Variants in SMC4 observed in about 807,000 individuals in gnomAD.
SMC4 encodes the protein structural maintenance of chromosomes 4.
In SMC4, 87 loss-of-function variants were observed where a neutral mutation model predicts 145.6. That is an observed-to-expected ratio of 0.60 (90% CI 0.50 to 0.71). The LOEUF (loss-of-function observed/expected upper bound fraction) is 0.71. Among genes scored for constraint, SMC4 ranks in the 30% least tolerant of loss-of-function variants. The probability of loss-of-function intolerance (pLI) is 0.00; values close to 1 mark genes in which losing one functional copy is unlikely to be tolerated. For missense variants in SMC4, 1,447 were observed against 1,537.1 expected (o/e 0.94, Z 0.98); for synonymous variants, 558 against 500.7 (o/e 1.11, Z -1.53).
chr3:160,400,907 C>T lies in SMC4; in HGVS notation c.81C>T (p.Ser27=), dbSNP rs533603068. ...GPPPPSPDGA[S]SDAEPEPPSG... is the part of the protein sequence containing the mutation. ...CGCCGCCGTCCCCTGACGGCGCCAG[C>T]AGCGACGCGGAGCCTGAGCCGCCGT... is the stretch of plus-strand genomic sequence containing the variant. Residue 27 remains serine (S), a synonymous_variant, in exon 2 of 24, where the codon AGC becomes AGT. Transcript: ENST00000357388. The T allele has an allele frequency of 7.9e-5, 118 of 1,496,938 alleles. 1 individual carries two copies. Among genetic ancestry groups the T allele is most frequent in the East Asian group, 2.3e-4 (8 of 34,604 alleles). The allele number at this position is 1,496,938 out of a possible 1,614,324, so 92.7% of individuals were successfully genotyped here.
chr3:160,416,605 T>TTTA, intron 10 of SMC4, 190 bp downstream of exon 10: 1 of 360,766 alleles, frequency 2.8e-6, no homozygotes, highest in East Asian at 4.2e-5. Context: ...TTTTAAAAAG[T>TTTA]TTACTAAATG....
At chr3:160,430,553 A>C (rs1390515756) in intron 18 of SMC4, 46 bp from the exon 19 acceptor site, 2 of 1,467,646 alleles carry the variant, frequency 1.4e-6, no homozygotes, top group African/African-American at 2.9e-5. Context: ...AGAAACAATA[A>C]CAAATCACCT....
chr3:160,402,587 A>G, intron 3 of SMC4, 89 bp from the exon 4 acceptor site: 1 of 1,369,862 alleles, frequency 7.3e-7, no homozygotes, highest in Non-Finnish European at 9.9e-7. Flanking sequence ...AACTGCAAGT[A>G]AAAAAATCTA....
intron 11 of SMC4, 71 bp downstream of exon 11, chr3:160,418,027 A>G (rs1352740503): frequency 2.4e-6 from 3 of 1,249,546 alleles, no homozygotes; most frequent in Non-Finnish European, 3.4e-6. Context: ...TTTGTTTTTA[A>G]TCTCCGCGTC....
intron 10 of SMC4, chr3:160,417,483 C>T (rs1716707497): frequency 2.1e-6 from 1 of 476,036 alleles, no homozygotes; most frequent in Non-Finnish European, 3.7e-6. Context: ...GTCTTTATTC[C>T]TCAGCGTAAT....
At position 160,411,921 on chromosome 3, in the gene SMC4, G is replaced by A. The variant is rs1716031213; in HGVS notation, c.689G>A (p.Gly230Asp). ...ATGAAATATAACTTTTTTTTAAAGG[G>A]TGAAGTTGAACAAATTGCTATGATG... ...LDHNRFLILQ[G>D]EVEQIAMMKP... The change falls in exon 6 of 24, where the codon GGT becomes GAT. Residue 230 changes from glycine to aspartate, a missense_variant and splice_region_variant. Transcript: ENST00000357388. 6.2e-7 allele frequency: 1 copy of A among 1,609,974 alleles called. No homozygotes were observed.
Position 160,420,807 on chromosome 3 carries a change from A to G in SMC4, c.1925A>G (p.Tyr642Cys), listed in dbSNP as rs763515554. 30 of 1,614,000 alleles carry G rather than the reference A, an allele frequency of 1.9e-5. No homozygotes were observed. In the Admixed American group the frequency reaches 4.7e-4, roughly 25 times the overall value. Residue 642 changes from tyrosine to cysteine, a missense_variant, in exon 13 of 24, where the codon TAC becomes TGC. By Grantham distance (194) the Tyr-to-Cys change is radical. Transcript: ENST00000357388. ...TCATCCTGTTGTCATGCACTGGACT[A>G]CATTGTTGTTGATTCTATTGATATA... The part of the protein sequence containing the change: ...AISSCCHALD[Y>C]IVVDSIDIAQ...
chr3:160,419,951 T>C (rs1258077254), intron 12 of SMC4, among the ~76,000 whole-genome samples: 1 of 151,838 alleles, frequency 6.6e-6, no homozygotes, highest in Non-Finnish European at 1.5e-5. Flanking sequence ...AAAATGAAAA[T>C]TAAAAAAAAT....
rs761150992 is a variant in SMC4, at chr3:160,412,392, G to A, written c.919G>A (p.Glu307Lys). ...ALEGEKNIAI[E>K]FLTLENEIFR... ...AGAAGGAGAGAAAAACATAGCTATC[G>A]AATTTCTTACCTTGGAAAATGAAAT... Residue 307 changes from glutamate (E) to lysine (K), a missense_variant, in exon 7 of 24, where the codon GAA (glutamate) becomes AAA (lysine). Transcript: ENST00000357388. 62 of 1,605,222 alleles carry A rather than the reference G, an allele frequency of 3.9e-5. 1 individual carries two copies. The Admixed American group carries it at 4.0e-4, about 10-fold the overall frequency.
At position 160,429,961 on chromosome 3, in the gene SMC4, T is replaced by C. The variant is rs866510593; in HGVS notation, c.2796-638T>C. 1.4e-4 allele frequency among the ~76,000 whole-genome samples: 22 copies of C among 152,176 alleles called. 1 individual carries two copies. The highest frequency in any genetic ancestry group is 5.3e-4 in the African/African-American group (22 of 41,536). ...TGAACTCCTGACGTCATGGTCCCCCTGCCTCAGCCTCCCAAAGTGCTGGGA... is the reference window on the plus strand; with the variant it reads ...TGAACTCCTGACGTCATGGTCCCCCCGCCTCAGCCTCCCAAAGTGCTGGGA... On this transcript the variant is annotated intron_variant, in intron 18 of 23. Coordinates refer to ENST00000357388, the MANE Select transcript of SMC4 (RefSeq NM_001002800.3).
Position 160,416,409 on chromosome 3 carries a change from AAAAG to A in SMC4, c.1434_1437del (p.Glu479ValfsTer13). 1 of 1,487,548 alleles carries A rather than the reference AAAAG, an allele frequency of 6.7e-7. No individual in the cohort carries two copies. The highest frequency in any genetic ancestry group is 8.9e-7 in the Non-Finnish European group (1 of 1,118,310). 92.1% of individuals were successfully genotyped at this position (1,487,548 alleles called of 1,614,324 possible). On this transcript the variant is annotated frameshift_variant and splice_region_variant, in exon 10 of 24. Coordinates refer to ENST00000357388, the MANE Select transcript of SMC4 (RefSeq NM_001002800.3). LOFTEE classifies it high-confidence loss of function. ...AGGAAACACAAGGGCTTCAGAAAGA[AAAAG>A]AAGTAAGTTTTTTTTTTTTATCAGT...
At chr3:160,416,036 G>T (rs1716541304) in intron 9 of SMC4, among the ~76,000 whole-genome samples, 1 of 152,132 alleles carries the variant, frequency 6.6e-6, no homozygotes, top group Non-Finnish European at 1.5e-5. Flanking sequence ...TAAGAGGTCA[G>T]GTGTTTGTAG....
intron 9 of SMC4, 142 bp downstream of exon 9, chr3:160,414,659 A>G: frequency 1.1e-6 from 1 of 903,000 alleles, no homozygotes; most frequent in African/African-American, 1.7e-5. Context: ...ACATGATTTT[A>G]CCCCCTCAAG....
Position 160,425,352 on chromosome 3 carries a change from G to GT in SMC4, c.2478+340dup, listed in dbSNP as rs1346395422. Among the ~76,000 whole-genome samples, 3 of 151,862 alleles carry GT rather than the reference G, an allele frequency of 2.0e-5. No homozygotes were observed. In the East Asian group the frequency reaches 5.8e-4, roughly 29 times the overall value. ...TATGAAAAAGCAATGCACGCCCACT[G>GT]TTTTTTTAATAAGTTTCCAGAAAAT... On this transcript the variant is annotated intron_variant, in intron 16 of 23. Coordinates refer to ENST00000357388, the MANE Select transcript of SMC4 (RefSeq NM_001002800.3).
At chr3:160,409,581 A>G (rs1401588030) in intron 5 of SMC4, among the ~76,000 whole-genome samples, 3 of 152,168 alleles carry the variant, frequency 2.0e-5, no homozygotes, top group Non-Finnish European at 2.9e-5. Context: ...CTGAATCCCA[A>G]CTTTTAGCTA....
intron 5 of SMC4, chr3:160,404,834 A>C (rs1348943302): frequency 2.0e-6 from 1 of 505,990 alleles, no homozygotes; most frequent in South Asian, 1.5e-5. Context: ...ACAGGGATAC[A>C]GCAACTATTT....
intron 16 of SMC4, 92 bp downstream of exon 16, chr3:160,425,111 A>C (rs1717644022): frequency 7.0e-7 from 1 of 1,436,984 alleles, no homozygotes; most frequent in Non-Finnish European, 9.2e-7. Context: ...ATTTGCTTAC[A>C]ATTTATTAAA....
In SMC4 at chr3:160,432,463, G is replaced by T. The variant is rs1718511587; in HGVS notation, c.3478G>T (p.Glu1160Ter). The change falls in exon 22 of 24, where the codon GAA (glutamate) becomes TAA (stop). Residue 1160 changes from glutamate (E) to a stop codon, truncating the protein, a stop_gained. Coordinates refer to ENST00000357388, the MANE Select transcript of SMC4 (RefSeq NM_001002800.3). LOFTEE classifies it high-confidence loss of function. ...AATGCTTACTTTGGGAGGGGACGCC[G>T]AACTCGAGCTTGTAGACAGCTTGGA... ...YQMLTLGGDAELELVDSLDPF... is the reference protein window; with the variant it reads ...YQMLTLGGDA 6.2e-7 allele frequency: 1 copy of T among 1,612,732 alleles called. No individual in the cohort carries two copies. Among genetic ancestry groups the T allele is most frequent in the Non-Finnish European group, 8.5e-7 (1 of 1,179,426 alleles).
rs764194681 is a variant in SMC4, at chr3:160,400,890, T to A, written c.64T>A (p.Ser22Thr). The stretch of plus-strand genomic sequence containing the variant: ...CAGAGAGGAAGGGCCGCCGCCGCCG[T>A]CCCCTGACGGCGCCAGCAGCGACGC... ...RRREEGPPPPSPDGASSDAEP... is the reference protein window; with the variant it reads ...RRREEGPPPPTPDGASSDAEP... The change falls in exon 2 of 24, where the codon TCC becomes ACC. Residue 22 changes from serine (S) to threonine (T), a missense_variant. Ser to Thr is a moderately conservative substitution (Grantham distance 58, BLOSUM62 1). Transcript: ENST00000357388. 1.4e-5 allele frequency: 21 copies of A among 1,507,796 alleles called. 2 individuals carry two copies. In the South Asian group the frequency reaches 2.5e-4, roughly 18 times the overall value. The allele number at this position is 1,507,796 out of a possible 1,614,324, so 93.4% of individuals were successfully genotyped here.
Sources: gnomAD v4.1 joint callset for allele counts (sites outside exome capture counted in the v4.1 genomes callset) on GRCh38, gnomAD v4.1.1 for gene constraint, MANE v1.5 for transcripts, NCBI Gene and HGNC (gene_info 2026-07-23, HGNC 2026-07-21) for gene names.